AZIN1: variants seen among roughly 807,000 people sequenced by gnomAD.
AZIN1 encodes the protein antizyme inhibitor 1, also known as ornithine decarboxylase antizyme inhibitor.
AZIN1 carries 12 observed loss-of-function variants against 47.4 expected under a neutral mutation model. The observed-to-expected ratio is 0.25, with a 90% CI of 0.16 to 0.41. The LOEUF (loss-of-function observed/expected upper bound fraction) is 0.41. AZIN1 is among the 10% of genes least tolerant of loss of function. The pLI, the probability that AZIN1 is intolerant of heterozygous loss-of-function variation, is 1.00. For missense variants in AZIN1, 410 were observed against 532.4 expected, an observed-to-expected ratio of 0.77 and a Z score of 2.26; for synonymous variants, 155 against 176.3, an observed-to-expected ratio of 0.88 and a Z score of 0.96.
intron 2 of AZIN1, among the ~76,000 whole-genome samples, chr8:102,844,677 T>A (rs1812449479): frequency 6.6e-6 from 1 of 152,140 alleles, no homozygotes; most frequent in Non-Finnish European, 1.5e-5. Flanking sequence ...TAAAAACATC[T>A]GTTTCAGTGC....
chr8:102,854,622 A>T (rs1400099290), intron 2 of AZIN1: 1 of 139,950 alleles, frequency 7.1e-6, no homozygotes. Context: ...ATATATATAT[A>T]TATATTTTTT....
Position 102,826,696 on chromosome 8 carries a change from G to A in AZIN1, c.*1871C>T, listed in dbSNP as rs1179979847. On this transcript the variant is annotated 3_prime_UTR_variant, in exon 12 of 12. Transcript: ENST00000337198. ...TATGGCAAAGTTGATATGCCATGAA[G>A]TTCAAGGCCTGTATAGTCAAGCCAA... is the stretch of plus-strand genomic sequence containing the variant. 1 of 152,576 alleles carries A rather than the reference G, an allele frequency of 6.6e-6. No individual in the cohort carries two copies. The highest frequency in any genetic ancestry group is 1.9e-4 in the East Asian group (1 of 5,204). 9.5% of individuals were successfully genotyped at this position (152,576 alleles called of 1,614,324 possible). A position where few individuals can be genotyped will look rare whatever the true frequency, so the allele number is the denominator to read the frequency against.
In AZIN1 at chr8:102,844,963, T is replaced by G. The variant is rs114824900; in HGVS notation, c.-95-1216A>C. 3.2e-3 allele frequency among the ~76,000 whole-genome samples: 487 copies of G among 152,308 alleles called. 7 individuals carry two copies. Among genetic ancestry groups the G allele is most frequent in the African/African-American group, 0.011 (451 of 41,572 alleles). On this transcript the variant is annotated intron_variant, in intron 2 of 11. Transcript: ENST00000337198. Reference sequence around the variant, plus strand: ...GAACTTCACTGGTCCTTAGGTTACTTTAGGAAATAACTTCGACATAAATGA... The same window carrying G: ...GAACTTCACTGGTCCTTAGGTTACTGTAGGAAATAACTTCGACATAAATGA...
intron 9 of AZIN1, chr8:102,830,242 C>G (rs556236615): frequency 4.8e-6 from 1 of 206,472 alleles, no homozygotes; most frequent in African/African-American, 2.4e-5. Context: ...AAAAATTAGC[C>G]AGGTGTGGTG....
chr8:102,835,281 T>C (rs1811747381), intron 6 of AZIN1: 1 of 153,096 alleles, frequency 6.5e-6, no homozygotes, highest in South Asian at 2.0e-4. Context: ...GTCACACAAG[T>C]ACTAAAATCC....
At chr8:102,830,416 A>AG (rs959511769) in intron 9 of AZIN1, among the ~76,000 whole-genome samples, 16 of 151,770 alleles carry the variant, frequency 1.1e-4, no homozygotes, top group Non-Finnish European at 1.8e-4. Flanking sequence ...AAAAAAAAAA[A>AG]AAAAGAAAAA....
chr8:102,863,461 G>C (rs1344053624), intron 1 of AZIN1, among the ~76,000 whole-genome samples: 2 of 151,740 alleles, frequency 1.3e-5, no homozygotes, highest in African/African-American at 2.4e-5. Flanking sequence ...CACGGGAGAG[G>C]GGTGGGGGCC....
chr8:102,838,967 T>C, intron 4 of AZIN1, 51 bp from the exon 5 acceptor site: 2 of 1,505,586 alleles, frequency 1.3e-6, no homozygotes, highest in Admixed American at 3.7e-5. Flanking sequence ...GTTCATATTC[T>C]GGTAATGCTT....
chr8:102,836,045 G>A (rs1475368994), intron 6 of AZIN1, among the ~76,000 whole-genome samples: 3 of 152,198 alleles, frequency 2.0e-5, no homozygotes, highest in Non-Finnish European at 4.4e-5. Flanking sequence ...TTGTGGGGAA[G>A]GAGGTACAGT....
Position 102,862,975 on chromosome 8 carries a change from T to C in AZIN1, c.-234+832A>G, listed in dbSNP as rs776708904. On this transcript the variant is annotated intron_variant, in intron 1 of 11. Coordinates refer to ENST00000337198, the MANE Select transcript of AZIN1 (RefSeq NM_148174.4). Reference sequence around the variant, plus strand: ...AGCCACCCGTCTACCAATCTCCCTCTTTCTGCCTAGGAACCATGGCGCGGA... The same window carrying C: ...AGCCACCCGTCTACCAATCTCCCTCCTTCTGCCTAGGAACCATGGCGCGGA... 2.6e-5 allele frequency among the ~76,000 whole-genome samples: 4 copies of C among 152,242 alleles called. No individual in the cohort carries two copies. In the East Asian group the frequency reaches 7.7e-4, roughly 29 times the overall value.
chr8:102,857,848 C>CT (rs1401724868), intron 2 of AZIN1, among the ~76,000 whole-genome samples, 165 bp downstream of exon 2: 1 of 152,000 alleles, frequency 6.6e-6, no homozygotes. Context: ...CTAAATCAGT[C>CT]AAGTCTGTAA....
intron 6 of AZIN1, chr8:102,835,175 T>A (rs992825099): frequency 6.3e-6 from 1 of 158,840 alleles, no homozygotes; most frequent in Admixed American, 6.1e-5. Flanking sequence ...TAAATAAAAA[T>A]GAACATTAAT....
At chr8:102,843,983 A>G (rs934450686) in intron 2 of AZIN1, among the ~76,000 whole-genome samples, 3 of 152,206 alleles carry the variant, frequency 2.0e-5, no homozygotes, top group African/African-American at 7.2e-5. Flanking sequence ...ATATATACAC[A>G]ATGTATTACA....
rs1437741086 is a variant in AZIN1 at position 102,838,894 on chromosome 8, T to C, written c.299A>G (p.Glu100Gly). 1 of 1,612,006 alleles carries C rather than the reference T, an allele frequency of 6.2e-7. No individual in the cohort carries two copies. Among genetic ancestry groups the C allele is most frequent in the Non-Finnish European group, 8.5e-7 (1 of 1,179,264 alleles). Residue 100 changes from glutamate (E) to glycine (G), a missense_variant, in exon 5 of 12, where the codon GAG (glutamate) becomes GGG (glycine). Physicochemically the swap from Glu to Gly is moderately conservative, Grantham distance 98. Transcript: ENST00000337198. ...AATGTTTTCTGGAGGTACACCCAAC[T>C]CTTGCACTAAAGCCATTTCATTCTG... Reference protein sequence around the residue: ...SSKNEMALVQELGVPPENIIY... With the variant: ...SSKNEMALVQGLGVPPENIIY...
At position 102,859,235 on chromosome 8, in the gene AZIN1, A is replaced by G. The variant is rs138162576; in HGVS notation, c.-233-1085T>C. 2.7e-3 allele frequency: 414 copies of G among 152,332 alleles called. 4 individuals carry two copies. The highest frequency in any genetic ancestry group is 9.2e-3 in the African/African-American group (384 of 41,556). 9.4% of individuals were successfully genotyped at this position (152,332 alleles called of 1,614,324 possible). Reference sequence around the variant, plus strand: ...AATAATCTTACATTAGATTCCAAATAATGTACTACTCCATAACATTCTGAT... The same window carrying G: ...AATAATCTTACATTAGATTCCAAATGATGTACTACTCCATAACATTCTGAT... On this transcript the variant is annotated intron_variant, in intron 1 of 11. Coordinates refer to ENST00000337198, the MANE Select transcript of AZIN1 (RefSeq NM_148174.4).
At chr8:102,828,838 G>A (rs1003541635) in intron 11 of AZIN1, among the ~76,000 whole-genome samples, 160 bp from the exon 12 acceptor site, 1 of 152,120 alleles carries the variant, frequency 6.6e-6, no homozygotes, top group African/African-American at 2.4e-5. Flanking sequence ...GTGATGTTTT[G>A]GTCAAAGACT....
intron 2 of AZIN1, among the ~76,000 whole-genome samples, chr8:102,853,552 T>G (rs966628541): frequency 6.6e-6 from 1 of 152,178 alleles, no homozygotes; most frequent in African/African-American, 2.4e-5. Flanking sequence ...CTTTTTGACC[T>G]TCCTAAAAAA....
chr8:102,829,132 C>T, intron 11 of AZIN1, 140 bp downstream of exon 11: 1 of 722,200 alleles, frequency 1.4e-6, no homozygotes, highest in African/African-American at 1.8e-5. Flanking sequence ...GAACAAATTC[C>T]CATCATTAAG....
intron 2 of AZIN1, among the ~76,000 whole-genome samples, chr8:102,851,108 A>G (rs886536330): frequency 2.0e-4 from 31 of 152,360 alleles, no homozygotes; most frequent in African/African-American, 7.2e-4. Flanking sequence ...ATGTGTGTGT[A>G]CTAAAGTGTG....
Sources: gnomAD v4.1 joint callset for allele counts (sites outside exome capture counted in the v4.1 genomes callset) on GRCh38, gnomAD v4.1.1 for gene constraint, MANE v1.5 for transcripts, NCBI Gene and HGNC (gene_info 2026-07-23, HGNC 2026-07-21) for gene names.